Variants in SEC63 observed in about 807,000 individuals in gnomAD.
The protein encoded by SEC63 is translocation protein SEC63 homolog.
SEC63 carries 56 observed loss-of-function variants against 116.2 expected under a neutral mutation model. The observed-to-expected ratio is 0.48, with a 90% CI of 0.39 to 0.60. The LOEUF (loss-of-function observed/expected upper bound fraction) is 0.60. Ranked by LOEUF, SEC63 falls within the 20% of genes least tolerant of loss-of-function variation. SEC63 has a pLI of 0.00. For synonymous variants in SEC63, 273 were observed against 294.6 expected, an observed-to-expected ratio of 0.93 and a Z score of 0.75; for missense variants, 668 against 900.0, an observed-to-expected ratio of 0.74 and a Z score of 3.30.
chr6:107,896,842 G>C (rs1410926877), intron 14 of SEC63, among the ~76,000 whole-genome samples: 3 of 152,056 alleles, frequency 2.0e-5, no homozygotes, highest in African/African-American at 7.2e-5. Context: ...AGCCAGGTGT[G>C]GTGGCGTGTG....
In SEC63 at chr6:107,938,887, C is replaced by T. The variant is rs111461047; in HGVS notation, c.125-9373G>A. Among the ~76,000 whole-genome samples the T allele has an allele frequency of 7.0e-3, 1,062 of 152,190 alleles. 15 individuals carry two copies. The highest frequency in any genetic ancestry group is 0.024 in the African/African-American group (1,011 of 41,518). ...CCTAGTAAATCCTTTCTTATAATAC[C>T]GAAATATGCTTCTTAAAATTATTTT... On this transcript the variant is annotated intron_variant, in intron 1 of 20. Coordinates refer to ENST00000369002, the MANE Select transcript of SEC63 (RefSeq NM_007214.5).
rs745604386 is a variant in SEC63, at chr6:107,901,453, T to C, written c.1274A>G (p.His425Arg). 2 of 1,611,300 alleles carry C rather than the reference T, an allele frequency of 1.2e-6. No individual in the cohort carries two copies. Among genetic ancestry groups the C allele is most frequent in the South Asian group, 2.2e-5 (2 of 91,024 alleles). The change falls in exon 13 of 21, where the codon CAC (histidine) becomes CGC (arginine). Residue 425 changes from histidine (H) to arginine (R), a missense_variant. Physicochemically the swap from His to Arg is conservative, Grantham distance 29 (BLOSUM62 0). This residue lies in a region of SEC63 where 430 missense variants were observed against 557.5 expected (regional missense o/e 0.77). Transcript: ENST00000369002. ...TTCATATTTTTCATCTTCAAGGAAGTGCAGTAGAGTGTGACGATCTGATTC... is the reference window on the plus strand; with the variant it reads ...TTCATATTTTTCATCTTCAAGGAAGCGCAGTAGAGTGTGACGATCTGATTC... ...LKESDRHTLL[H>R]FLEDEKYEEV...
chr6:107,942,499 G>A (rs1175090655), intron 1 of SEC63, among the ~76,000 whole-genome samples: 1 of 152,044 alleles, frequency 6.6e-6, no homozygotes, highest in Non-Finnish European at 1.5e-5. Flanking sequence ...CTACGTACCC[G>A]GACTTTTCTG....
At chr6:107,929,328 G>T in intron 2 of SEC63, 87 bp downstream of exon 2, 3 of 732,494 alleles carry the variant, frequency 4.1e-6, no homozygotes, top group South Asian at 3.2e-5. Context: ...CAGACACAAT[G>T]ACTTATTCAT....
At chr6:107,919,353 C>T (rs371460936) in intron 4 of SEC63, among the ~76,000 whole-genome samples, 1 of 152,266 alleles carries the variant, frequency 6.6e-6, no homozygotes, top group Admixed American at 6.5e-5. Context: ...ATCTCATGAT[C>T]GAACTTGAAC....
chr6:107,928,615 G>A (rs1787730193), intron 2 of SEC63, among the ~76,000 whole-genome samples: 2 of 152,046 alleles, frequency 1.3e-5, no homozygotes, highest in South Asian at 4.2e-4. Flanking sequence ...CTAAATAACT[G>A]TTTCTACTCT....
chr6:107,886,202 T>C (rs1279101674), intron 16 of SEC63, among the ~76,000 whole-genome samples: 2 of 152,372 alleles, frequency 1.3e-5, no homozygotes, highest in East Asian at 1.9e-4. Flanking sequence ...TCCTTTTTTA[T>C]GGCTGCATAG....
chr6:107,934,567 C>G (rs1372220239), intron 1 of SEC63, among the ~76,000 whole-genome samples: 2 of 147,200 alleles, frequency 1.4e-5, no homozygotes, highest in African/African-American at 5.0e-5. Context: ...GCAGCCACCC[C>G]GTCTGGGAAG....
chr6:107,874,201 GAAT>G (rs2114390053), intron 19 of SEC63, among the ~76,000 whole-genome samples: 2 of 152,186 alleles, frequency 1.3e-5, no homozygotes, highest in Admixed American at 1.3e-4. Context: ...ACACAAAGAT[GAAT>G]AATGAGTAAC....
At chr6:107,921,754 T>C (rs1184435830) in intron 4 of SEC63, 43 bp downstream of exon 4, 14 of 1,238,658 alleles carry the variant, frequency 1.1e-5, no homozygotes, top group Non-Finnish European at 1.7e-5. Flanking sequence ...ACCTGGCTTA[T>C]CTGTACCATT....
chr6:107,873,088 GTTACATAT>G (rs1786171893), intron 19 of SEC63, among the ~76,000 whole-genome samples, 176 bp from the exon 20 acceptor site: 1 of 152,106 alleles, frequency 6.6e-6, no homozygotes, highest in South Asian at 2.1e-4. Context: ...CGAAATGTAT[GTTACATAT>G]TATAAATACC....
In SEC63 at chr6:107,924,800, T is replaced by G. The variant is rs778182757; in HGVS notation, c.339+18A>C. On this transcript the variant is annotated intron_variant, in intron 3 of 20. Coordinates refer to ENST00000369002, the MANE Select transcript of SEC63 (RefSeq NM_007214.5). ...GGGACCATTAAACTAATATGCATTA[T>G]ATAAAAATACTACTTACAGGATCCA... The G allele has an allele frequency of 8.7e-7, 1 of 1,148,882 alleles. No individual in the cohort carries two copies. Among genetic ancestry groups the G allele is most frequent in the East Asian group, 2.3e-5 (1 of 42,658 alleles). 71.2% of individuals were successfully genotyped at this position (1,148,882 alleles called of 1,614,324 possible).
At chr6:107,939,098 C>T (rs1770316508) in intron 1 of SEC63, among the ~76,000 whole-genome samples, 1 of 151,594 alleles carries the variant, frequency 6.6e-6, no homozygotes, top group Admixed American at 6.6e-5. Flanking sequence ...GCCTGGGCAA[C>T]ACAGGGAGAC....
rs1414173195 is a variant in SEC63, at chr6:107,894,510, T to C, written c.1441-613A>G. Among the ~76,000 whole-genome samples, 8 of 8,058 alleles carry C rather than the reference T, an allele frequency of 9.9e-4. No individual in the cohort carries two copies. In the South Asian group the frequency reaches 0.029, roughly 29 times the overall value. The allele number at this position is 8,058 out of a possible 152,430, so 5.3% of individuals were successfully genotyped here. A position where few individuals can be genotyped will look rare whatever the true frequency, so the allele number is the denominator to read the frequency against. Reference sequence around the variant, plus strand: ...GCAACAGAGCGAGACCCCATATCTATAAAAAAAAAACACCATGAAAATCTA... The same window carrying C: ...GCAACAGAGCGAGACCCCATATCTACAAAAAAAAAACACCATGAAAATCTA... On this transcript the variant is annotated intron_variant, in intron 14 of 20. Transcript: ENST00000369002.
At chr6:107,881,307 G>A in intron 17 of SEC63, 57 bp from the exon 18 acceptor site, 4 of 1,189,968 alleles carry the variant, frequency 3.4e-6, no homozygotes, top group Non-Finnish European at 5.0e-6. Context: ...ATCACTTTAA[G>A]GATTTCCAGG....
At chr6:107,935,599 C>CGTT (rs1455112766) in intron 1 of SEC63, among the ~76,000 whole-genome samples, 1 of 37,648 alleles carries the variant, frequency 2.7e-5, no homozygotes, top group Non-Finnish European at 5.4e-5. Context: ...GCAGCATGCT[C>CGTT]GTTAAGAGTC....
At chr6:107,907,722 T>C (rs1383765618) in intron 8 of SEC63, among the ~76,000 whole-genome samples, 1 of 152,250 alleles carries the variant, frequency 6.6e-6, no homozygotes, top group Non-Finnish European at 1.5e-5. Context: ...AGCTTCTTCA[T>C]ATGTGCCTGA....
At position 107,921,917 on chromosome 6, in the gene SEC63, A is replaced by C. The variant is rs1569556; in HGVS notation, c.340-8T>G. 3.2e-6 allele frequency: 1 copy of C among 315,544 alleles called. No individual in the cohort carries two copies. The highest frequency in any genetic ancestry group is 8.9e-5 in the Admixed American group (1 of 11,190). 19.5% of individuals were successfully genotyped at this position (315,544 alleles called of 1,614,324 possible). On this transcript the variant is annotated splice_region_variant and splice_polypyrimidine_tract_variant and intron_variant, in intron 3 of 20. Transcript: ENST00000369002. ...TTCTGCTACTGTGGCTCCCTGGGGA[A>C]AAACAAAAAAAAAAAACAAGCTTTC...
chr6:107,945,291 AAT>A, intron 1 of SEC63, among the ~76,000 whole-genome samples: 1 of 151,888 alleles, frequency 6.6e-6, no homozygotes, highest in South Asian at 2.1e-4. Flanking sequence ...AAATGTAAAG[AAT>A]ATCTTTCTTT....
Sources: allele counts gnomAD v4.1 joint callset (sites outside exome capture counted in the v4.1 genomes callset), GRCh38; gene constraint gnomAD v4.1.1; regional missense constraint gnomAD v4.1.1; transcripts MANE v1.5; gene names NCBI Gene and HGNC (gene_info 2026-07-23, HGNC 2026-07-21).